The following ALDH4A1 variants were observed in gnomAD, a reference collection of about 807,000 sequenced individuals.
The protein encoded by ALDH4A1 is aldehyde dehydrogenase 4 family member A1, also known as delta-1-pyrroline-5-carboxylate dehydrogenase, mitochondrial.
Under a neutral mutation model 70.5 loss-of-function variants are expected in ALDH4A1, and 46 were observed. The ratio of observed to expected loss-of-function variants is 0.65; its 90% CI spans 0.51 to 0.83. The LOEUF (loss-of-function observed/expected upper bound fraction) is 0.83. ALDH4A1 is among the 40% of genes least tolerant of loss of function. The pLI, the probability that ALDH4A1 is intolerant of heterozygous loss-of-function variation, is 0.00. For missense variants in ALDH4A1, 749 were observed against 766.5 expected (o/e 0.98, Z 0.27); for synonymous variants, 323 against 324.3 (o/e 1.00, Z 0.04).
rs182566950 is a variant in ALDH4A1, at chr1:18,890,882, C to T, written c.63-777G>A. 1.3e-4 allele frequency: 132 copies of T among 985,474 alleles called. 1 individual carries two copies. The African/African-American group carries it at 1.9e-3, about 14-fold the overall frequency. The allele number at this position is 985,474 out of a possible 1,614,324, so 61.0% of individuals were successfully genotyped here. The stretch of plus-strand genomic sequence containing the variant: ...CTCAGAATGTGAACCAGCTGAGATC[C>T]CCTTGGCACAAAGGGCTGAGAGCTC... On this transcript the variant is annotated intron_variant, in intron 1 of 14. Coordinates refer to ENST00000375341, the MANE Select transcript of ALDH4A1 (RefSeq NM_003748.4).
intron 9 of ALDH4A1, among the ~76,000 whole-genome samples, 183 bp downstream of exon 9, chr1:18,879,117 T>C (rs1351542264): frequency 1.3e-5 from 2 of 152,208 alleles, no homozygotes; most frequent in African/African-American, 2.4e-5. Context: ...TGGCTGCATA[T>C]TGGAGAGTGA....
At position 18,877,218 on chromosome 1, in the gene ALDH4A1, A is replaced by G. The variant is rs1440938853; in HGVS notation, c.1175T>C (p.Ile392Thr). 6.2e-7 allele frequency: 1 copy of G among 1,608,604 alleles called. No individual in the cohort carries two copies. The highest frequency in any genetic ancestry group is 8.5e-7 in the Non-Finnish European group (1 of 1,177,382). Residue 392 changes from isoleucine to threonine, a missense_variant, in exon 11 of 15, where the codon ATT becomes ACT. Transcript: ENST00000375341. Reference sequence around the variant, plus strand: ...CTTCCCACCCCGTACCTTGGCATCAATCACTGCAGAGAAGAAGGTCCCAAA... The same window carrying G: ...CTTCCCACCCCGTACCTTGGCATCAGTCACTGCAGAGAAGAAGGTCCCAAA... ...EDFGTFFSAV[I>T]DAKSFARIKK...
intron 2 of ALDH4A1, 37 bp downstream of exon 2, chr1:18,889,975 C>G (rs765160944): frequency 6.6e-7 from 1 of 1,525,182 alleles, no homozygotes; most frequent in East Asian, 2.4e-5. Flanking sequence ...CTGCTCCATG[C>G]CCTGCACCTC....
chr1:18,885,432 C>CA, intron 5 of ALDH4A1, 41 bp downstream of exon 5: 3 of 570,588 alleles, frequency 5.3e-6, no homozygotes, highest in South Asian at 1.6e-5. Flanking sequence ...CTGACTCCCA[C>CA]CCCACCCCGC....
At position 18,882,691 on chromosome 1, in the gene ALDH4A1, G is replaced by A. The variant is rs747417056; in HGVS notation, c.678+433C>T. The A allele has an allele frequency of 1.3e-4, 71 of 553,256 alleles. 1 individual carries two copies. The highest frequency in any genetic ancestry group is 9.8e-4 in the South Asian group (70 of 71,760). The allele number at this position is 553,256 out of a possible 1,614,324, so 34.3% of individuals were successfully genotyped here. ...CTCGAAGCTGCTGAGAGGATGAAATGAGATCATCTCCATGCCGTGCTTGAC... is the reference window on the plus strand; with the variant it reads ...CTCGAAGCTGCTGAGAGGATGAAATAAGATCATCTCCATGCCGTGCTTGAC... On this transcript the variant is annotated intron_variant, in intron 7 of 14. Coordinates refer to ENST00000375341, the MANE Select transcript of ALDH4A1 (RefSeq NM_003748.4).
chr1:18,874,445 G>C lies in ALDH4A1; in HGVS notation c.1579+18C>G. Reference sequence around the variant, plus strand: ...CACCAGGAACTCAGCTCCCCTGTGGGAAGGGGGACCCACTCACCAGAGGCT... The same window carrying C: ...CACCAGGAACTCAGCTCCCCTGTGGCAAGGGGGACCCACTCACCAGAGGCT... On this transcript the variant is annotated intron_variant, in intron 14 of 14. Coordinates refer to ENST00000375341, the MANE Select transcript of ALDH4A1 (RefSeq NM_003748.4). 6.2e-7 allele frequency: 1 copy of C among 1,609,868 alleles called. No homozygotes were observed. The highest frequency in any genetic ancestry group is 8.5e-7 in the Non-Finnish European group (1 of 1,176,688).
intron 13 of ALDH4A1, among the ~76,000 whole-genome samples, chr1:18,874,885 C>T (rs1056483518): frequency 1.3e-5 from 2 of 152,370 alleles, no homozygotes; most frequent in Admixed American, 6.5e-5. Context: ...GAAACTCCAG[C>T]TCCCAGGCCC....
intron 1 of ALDH4A1, 139 bp from the exon 2 acceptor site, chr1:18,890,244 T>A: frequency 1.4e-6 from 1 of 711,470 alleles, no homozygotes; most frequent in Non-Finnish European, 2.4e-6. Context: ...AAGTGGGGGG[T>A]CAAAACCCCA....
rs192838086 is a variant in ALDH4A1, at chr1:18,900,641, G to A, written c.62+1821C>T. 4.3e-3 allele frequency among the ~76,000 whole-genome samples: 662 copies of A among 152,322 alleles called. 3 individuals carry two copies. The highest frequency in any genetic ancestry group is 0.015 in the African/African-American group (628 of 41,566). On this transcript the variant is annotated intron_variant, in intron 1 of 14. Coordinates refer to ENST00000375341, the MANE Select transcript of ALDH4A1 (RefSeq NM_003748.4). ...GCAACCAAAATGTAGCCCCAAATGCGAATAGTGGTGAGGTTGAGAAATCCT... is the reference window on the plus strand; with the variant it reads ...GCAACCAAAATGTAGCCCCAAATGCAAATAGTGGTGAGGTTGAGAAATCCT...
In ALDH4A1 at chr1:18,902,502, GC is replaced by G. The variant is rs387906314; in HGVS notation, c.21del (p.Leu8SerfsTer23). 137 of 1,481,188 alleles carry G rather than the reference GC, an allele frequency of 9.2e-5. No homozygotes were observed. The highest frequency in any genetic ancestry group is 1.1e-4 in the Non-Finnish European group (122 of 1,116,660). 91.8% of individuals were successfully genotyped at this position (1,481,188 alleles called of 1,614,324 possible). Reference protein sequence around the residue: MLLPAPALRRALLSRPW... With the variant: MLLPAPXLRRALLSRPW... ...GGGCGGGACAGCAGGGCGCGGCGGA[GC>G]GCGGGCGCCGGCAGCAGCATCTCGG... On this transcript the variant is annotated frameshift_variant, in exon 1 of 15. Transcript: ENST00000375341. LOFTEE classifies it high-confidence loss of function.
At position 18,901,998 on chromosome 1, in the gene ALDH4A1, TAGA is replaced by T. The variant is rs1935815928; in HGVS notation, c.62+461_62+463del. ...GAAAAGAGAGAGGTAGAAATCCTGG[TAGA>T]AGGAGAGGACTCGGGGAATCCGGGG... On this transcript the variant is annotated intron_variant, in intron 1 of 14. Coordinates refer to ENST00000375341, the MANE Select transcript of ALDH4A1 (RefSeq NM_003748.4). Among the ~76,000 whole-genome samples, 5 of 134,520 alleles carry T rather than the reference TAGA, an allele frequency of 3.7e-5. No individual in the cohort carries two copies. In the Admixed American group the frequency reaches 4.1e-4, roughly 11 times the overall value. The allele number at this position is 134,520 out of a possible 152,430, so 88.3% of individuals were successfully genotyped here.
chr1:18,889,954 G>A (rs1935370664), intron 2 of ALDH4A1, 58 bp downstream of exon 2: 1 of 1,407,244 alleles, frequency 7.1e-7, no homozygotes, highest in Non-Finnish European at 9.8e-7. Flanking sequence ...CAGGGCTGCT[G>A]GGGATGGCCT....
Position 18,880,251 on chromosome 1 carries a change from G to T in ALDH4A1, c.867-878C>A, listed in dbSNP as rs113390109. Among the ~76,000 whole-genome samples, 6 of 834 alleles carry T rather than the reference G, an allele frequency of 7.2e-3. No individual in the cohort carries two copies. In the East Asian group the frequency reaches 0.5, roughly 70 times the overall value. 0.5% of individuals were successfully genotyped at this position (834 alleles called of 152,430 possible). ...AAGAAGGACCCTGAGCTGCAGACCC[G>T]GGCGTCTGGCTGCCTCCAGGCATCT... On this transcript the variant is annotated intron_variant, in intron 8 of 14. Coordinates refer to ENST00000375341, the MANE Select transcript of ALDH4A1 (RefSeq NM_003748.4). The surrounding 1 kb of genome is among the most constrained non-coding windows in gnomAD (Gnocchi z 5.1).
At chr1:18,873,045 C>T in intron 14 of ALDH4A1, 88 bp from the exon 15 acceptor site, 1 of 1,197,554 alleles carries the variant, frequency 8.4e-7, no homozygotes, top group Non-Finnish European at 1.2e-6. Flanking sequence ...ATCAACGGAC[C>T]AGCAGTGTAG....
intron 5 of ALDH4A1, 65 bp from the exon 6 acceptor site, chr1:18,883,493 C>G (rs1935073216): frequency 6.2e-7 from 1 of 1,605,394 alleles, no homozygotes; most frequent in Non-Finnish European, 8.5e-7. Context: ...CTTCTCACAT[C>G]TGACGCTGTG....
At chr1:18,901,236 G>A (rs1005625480) in intron 1 of ALDH4A1, among the ~76,000 whole-genome samples, 1 of 152,180 alleles carries the variant, frequency 6.6e-6, no homozygotes, top group Non-Finnish European at 1.5e-5. Context: ...TCTGTCCCAT[G>A]TCCTCTTCCT....
intron 5 of ALDH4A1, 131 bp downstream of exon 5, chr1:18,885,342 G>T: frequency 1.1e-6 from 1 of 880,868 alleles, no homozygotes; most frequent in Non-Finnish European, 1.8e-6. Flanking sequence ...CTTGTCCCTT[G>T]AGGACATCTC....
Position 18,876,417 on chromosome 1 carries a change from G to T in ALDH4A1, c.1236C>A (p.Ser412Arg), listed in dbSNP as rs201762741. Reference protein sequence around the residue: ...KWLEHARSSPSLTILAGGKCD... With the variant: ...KWLEHARSSPRLTILAGGKCD... ...ACTTGCCCCCGGCCAGGATGGTGAG[G>T]CTGGGTGAGGAGCGTGCGTGCTCCA... The change falls in exon 12 of 15, where the codon AGC becomes AGA. Residue 412 changes from serine (S) to arginine (R), a missense_variant. Transcript: ENST00000375341. 204 of 1,612,212 alleles carry T rather than the reference G, an allele frequency of 1.3e-4. No individual in the cohort carries two copies. Among genetic ancestry groups the T allele is most frequent in the Non-Finnish European group, 1.5e-4 (172 of 1,179,480 alleles).
At chr1:18,894,865 CTTTTTTTTTT>C (rs34445898) in intron 1 of ALDH4A1, among the ~76,000 whole-genome samples, 2 of 109,968 alleles carry the variant, frequency 1.8e-5, no homozygotes, top group African/African-American at 3.5e-5. Flanking sequence ...TTCTTTCTTT[CTTTTTTTTTT>C]TTTTTTTTTT....
Sources: gnomAD v4.1 joint callset for allele counts (sites outside exome capture counted in the v4.1 genomes callset) on GRCh38, gnomAD v4.1.1 for gene constraint, Gnocchi (gnomAD v3.1) non-coding constraint, MANE v1.5 for transcripts, NCBI Gene and HGNC (gene_info 2026-07-23, HGNC 2026-07-21) for gene names.